HERC2: variants seen among roughly 807,000 people sequenced by gnomAD.
HERC2 encodes HECT and RLD domain containing E3 ubiquitin protein ligase 2.
Under a neutral mutation model 537.7 loss-of-function variants are expected in HERC2, and 102 were observed. That is an observed-to-expected ratio of 0.19 (90% CI 0.16 to 0.22). HERC2 has a LOEUF of 0.22. Ranked by LOEUF, HERC2 falls within the 10% of genes least tolerant of loss-of-function variation. The probability of loss-of-function intolerance (pLI) is 1.00; values close to 1 mark genes in which losing one functional copy is unlikely to be tolerated. For synonymous variants in HERC2, 2,224 were observed against 2,466.2 expected (o/e 0.90, Z 2.91); for missense variants, 4,236 against 6,198.2 (o/e 0.68, Z 10.63).
chr15:28,169,428 C>A, intron 66 of HERC2, 56 bp downstream of exon 66: 1 of 1,339,574 alleles, frequency 7.5e-7, no homozygotes. Flanking sequence ...AAAAAAATCA[C>A]AAAAATGTGA....
At chr15:28,136,128 CTT>C (rs879780554) in intron 78 of HERC2, among the ~76,000 whole-genome samples, 7 of 146,084 alleles carry the variant, frequency 4.8e-5, no homozygotes, top group Admixed American at 1.4e-4. Flanking sequence ...GAAAAAACAC[CTT>C]TTTTTTTTTT....
chr15:28,309,345 T>C (rs949636918), intron 2 of HERC2, among the ~76,000 whole-genome samples: 1 of 152,204 alleles, frequency 6.6e-6, no homozygotes, highest in East Asian at 1.9e-4. Context: ...TGCTCTAGTG[T>C]TGAGTGCATA....
At chr15:28,123,196 G>A (rs970411054) in intron 85 of HERC2, among the ~76,000 whole-genome samples, 8 of 152,246 alleles carry the variant, frequency 5.3e-5, no homozygotes, top group Middle Eastern at 3.4e-3. Flanking sequence ...AGCAGAAATC[G>A]TTCTAGCCAA....
intron 78 of HERC2, among the ~76,000 whole-genome samples, chr15:28,136,283 G>A (rs1405316048): frequency 6.6e-6 from 1 of 152,026 alleles, no homozygotes; most frequent in Non-Finnish European, 1.5e-5. Context: ...CTTAAATGCT[G>A]TTCCATGCTG....
At position 28,259,873 on chromosome 15, in the gene HERC2, CA is replaced by C. The variant is rs1303525708; in HGVS notation, c.2316+903del. On this transcript the variant is annotated intron_variant, in intron 16 of 92. Coordinates refer to ENST00000261609, the MANE Select transcript of HERC2 (RefSeq NM_004667.6). The stretch of plus-strand genomic sequence containing the variant: ...ATCCCAGCTACTCAGGAGGCTGACG[CA>C]GGAGAATTGCGTGAACCCAGGAGGC... Among the ~76,000 whole-genome samples, 3 of 149,290 alleles carry C rather than the reference CA, an allele frequency of 2.0e-5. No homozygotes were observed. In the East Asian group the frequency reaches 6.0e-4, roughly 30 times the overall value.
chr15:28,232,550 A>AG (rs1196186986), intron 30 of HERC2, among the ~76,000 whole-genome samples: 7 of 145,578 alleles, frequency 4.8e-5, no homozygotes, highest in East Asian at 4.8e-4. Context: ...TCCATCTCAA[A>AG]GAAAAAAAAA....
At chr15:28,165,520 G>A (rs368812828) in intron 68 of HERC2, among the ~76,000 whole-genome samples, 2 of 152,126 alleles carry the variant, frequency 1.3e-5, no homozygotes, top group African/African-American at 2.4e-5. Context: ...GGCCAAACAC[G>A]GTGGCTCATG....
At chr15:28,148,594 T>A (rs945790022) in intron 70 of HERC2, among the ~76,000 whole-genome samples, 1 of 150,802 alleles carries the variant, frequency 6.6e-6, no homozygotes, top group Non-Finnish European at 1.5e-5. Context: ...CGCATGAACG[T>A]ACATTCTGGT....
rs756002942 is a variant in HERC2 at position 28,265,794 on chromosome 15, C to G, written c.1756+23G>C. On this transcript the variant is annotated intron_variant, in intron 13 of 92. Coordinates refer to ENST00000261609, the MANE Select transcript of HERC2 (RefSeq NM_004667.6). This position sits in a 1 kb window ranked among gnomAD's most constrained non-coding sequence, Gnocchi z 4.0. The stretch of plus-strand genomic sequence containing the variant: ...AGAGGCCACCTCCTGCTGCATGCTC[C>G]CACTCATGCAGAGCAGACGTACCAT... 1 of 1,613,948 alleles carries G rather than the reference C, an allele frequency of 6.2e-7. No individual in the cohort carries two copies. The highest frequency in any genetic ancestry group is 8.5e-7 in the Non-Finnish European group (1 of 1,179,808).
At chr15:28,259,201 T>G (rs1232776150) in intron 16 of HERC2, among the ~76,000 whole-genome samples, 1 of 152,200 alleles carries the variant, frequency 6.6e-6, no homozygotes, top group Non-Finnish European at 1.5e-5. Flanking sequence ...TTCAAGCGAT[T>G]CTCCTGCCTT....
At chr15:28,296,971 T>C (rs1328408387) in intron 3 of HERC2, among the ~76,000 whole-genome samples, 1 of 152,214 alleles carries the variant, frequency 6.6e-6, no homozygotes, top group Admixed American at 6.5e-5. Flanking sequence ...AAAGGTGTGG[T>C]TCTCAGTATT....
At position 28,163,260 on chromosome 15, in the gene HERC2, G is replaced by A; in HGVS notation, c.10580C>T (p.Ala3527Val). The A allele has an allele frequency of 6.2e-7, 1 of 1,613,310 alleles. No individual in the cohort carries two copies. Among genetic ancestry groups the A allele is most frequent in the Non-Finnish European group, 8.5e-7 (1 of 1,179,952 alleles). The change falls in exon 69 of 93, where the codon GCA becomes GTA. Residue 3527 changes from alanine to valine, a missense_variant. This residue lies in a region of HERC2 where 356 missense variants were observed against 450.9 expected (regional missense o/e 0.79). Transcript: ENST00000261609. ...KEDVESQNKA[A>V]GPEPQALDEF... ...ATCCAAGGCCTGAGGCTCCGGACCT[G>A]CTGCTTTATTTTGGCTTTCAACATC...
intron 2 of HERC2, among the ~76,000 whole-genome samples, chr15:28,307,515 T>C (rs1266921815): frequency 1.1e-4 from 17 of 152,372 alleles, no homozygotes; most frequent in African/African-American, 4.1e-4. Context: ...CTGCTTTAAC[T>C]ATATCCCACA....
intron 4 of HERC2, among the ~76,000 whole-genome samples, chr15:28,291,740 C>CA (rs1270612926): frequency 6.6e-6 from 1 of 151,588 alleles, no homozygotes; most frequent in East Asian, 1.9e-4. Flanking sequence ...ACAAAAACCT[C>CA]AATTAAAAAA....
intron 66 of HERC2, 137 bp downstream of exon 66, chr15:28,169,347 T>C (rs1343080836): frequency 3.4e-6 from 2 of 585,836 alleles, no homozygotes; most frequent in African/African-American, 1.9e-5. Context: ...TCAAAGAACT[T>C]GTGACTTACA....
rs1343229611 is a variant in HERC2, at chr15:28,215,660, T to C, written c.6171A>G (p.Glu2057=). The C allele has an allele frequency of 1.9e-6, 3 of 1,611,652 alleles. No individual in the cohort carries two copies. Among genetic ancestry groups the C allele is most frequent in the African/African-American group, 1.3e-5 (1 of 74,864 alleles). ...AGGTGGCAGTGAAGGGTGCGTGCCC[T>C]TCCACGACCTTCATGAGCAGCGTGA... ...QWITLLMKVV[E]GHAPFTATSL... is the part of the protein sequence containing the mutation. Residue 2057 remains glutamate, a synonymous_variant, in exon 39 of 93, where the codon GAA becomes GAG. Transcript: ENST00000261609.
chr15:28,226,142 G>A (rs1901137220), intron 35 of HERC2, among the ~76,000 whole-genome samples: 1 of 152,194 alleles, frequency 6.6e-6, no homozygotes, highest in Non-Finnish European at 1.5e-5. Flanking sequence ...AAAGAGGACA[G>A]AAATAAATGG....
At chr15:28,216,937 CTT>C (rs1397145061) in intron 38 of HERC2, among the ~76,000 whole-genome samples, 3 of 152,134 alleles carry the variant, frequency 2.0e-5, no homozygotes, top group Non-Finnish European at 2.9e-5. Context: ...TACCCACACA[CTT>C]TCTCACTTTG....
rs545184626 is a variant in HERC2 at position 28,174,300 on chromosome 15, C to T, written c.10057+95G>A. On this transcript the variant is annotated intron_variant, in intron 65 of 92. Transcript: ENST00000261609. Reference sequence around the variant, plus strand: ...GAGTCATAATGCAGTTAACATGGCACTACAACCTCTAATTGTGTTGGCACA... The same window carrying T: ...GAGTCATAATGCAGTTAACATGGCATTACAACCTCTAATTGTGTTGGCACA... 16 of 894,806 alleles carry T rather than the reference C, an allele frequency of 1.8e-5. No homozygotes were observed. In the East Asian group the frequency reaches 4.0e-4, roughly 22 times the overall value. 55.4% of individuals were successfully genotyped at this position (894,806 alleles called of 1,614,324 possible). A position where few individuals can be genotyped will look rare whatever the true frequency, so the allele number is the denominator to read the frequency against.
Sources: allele counts gnomAD v4.1 joint callset (sites outside exome capture counted in the v4.1 genomes callset), GRCh38; gene constraint gnomAD v4.1.1; regional missense constraint gnomAD v4.1.1; non-coding constraint Gnocchi (gnomAD v3.1); transcripts MANE v1.5; gene names NCBI Gene and HGNC (gene_info 2026-07-23, HGNC 2026-07-21).